The following THSD7A variants were observed in gnomAD, a reference collection of about 807,000 sequenced individuals.
THSD7A encodes the protein thrombospondin type 1 domain containing 7A.
A neutral mutation model predicts 231.3 loss-of-function variants in THSD7A; 96 were observed. The observed-to-expected ratio is 0.41, with a 90% CI of 0.35 to 0.49. THSD7A has a LOEUF of 0.49. Among genes scored for constraint, THSD7A ranks in the 20% least tolerant of loss-of-function variants. The pLI is 0.05. For synonymous variants in THSD7A, 940 were observed against 743.3 expected, an observed-to-expected ratio of 1.26 and a Z score of -4.30; for missense variants, 2,290 against 2,070.2, an observed-to-expected ratio of 1.11 and a Z score of -2.06.
intron 6 of THSD7A, among the ~76,000 whole-genome samples, chr7:11,495,550 T>C (rs1787063237): frequency 6.6e-6 from 1 of 152,086 alleles, no homozygotes; most frequent in Non-Finnish European, 1.5e-5. Context: ...TAACATAAAA[T>C]CAATTTGAAG....
At chr7:11,426,025 ATGTGCACAT>A (rs996241357) in intron 15 of THSD7A, among the ~76,000 whole-genome samples, 7 of 151,712 alleles carry the variant, frequency 4.6e-5, no homozygotes, top group African/African-American at 1.7e-4. Flanking sequence ...AACCTGCACA[ATGTGCACAT>A]GTACCCTAAA....
At chr7:11,721,505 A>G (rs1439415613) in intron 1 of THSD7A, among the ~76,000 whole-genome samples, 3 of 151,586 alleles carry the variant, frequency 2.0e-5, no homozygotes, top group Admixed American at 6.6e-5. Context: ...CATGTTTCCT[A>G]TACAGCCTAC....
At chr7:11,687,296 T>C (rs953564871) in intron 1 of THSD7A, among the ~76,000 whole-genome samples, 4 of 151,938 alleles carry the variant, frequency 2.6e-5, no homozygotes, top group Admixed American at 2.6e-4. Flanking sequence ...AGAAGAAATT[T>C]ATATGTTCAA....
Position 11,406,349 on chromosome 7 carries a change from A to G in THSD7A, c.4188T>C (p.Asp1396=). 6.2e-7 allele frequency: 1 copy of G among 1,613,478 alleles called. No homozygotes were observed. The highest frequency in any genetic ancestry group is 8.5e-7 in the Non-Finnish European group (1 of 1,179,718). Residue 1396 remains aspartate (D), a synonymous_variant, in exon 22 of 28, where the codon GAT becomes GAC. Coordinates refer to ENST00000423059, the MANE Select transcript of THSD7A (RefSeq NM_015204.3). The surrounding 1 kb of genome is among the most constrained non-coding windows in gnomAD (Gnocchi z 4.7). ...EFCADIELII[D]GNKNMVLEES... The stretch of plus-strand genomic sequence containing the variant: ...CCTCCAGAACCATATTTTTATTACC[A>G]TCTATAATGAGTTCAATGTCAGCAC...
rs901872578 is a variant in THSD7A, at chr7:11,693,883, G to A, written c.191-56922C>T. 9.9e-5 allele frequency among the ~76,000 whole-genome samples: 15 copies of A among 151,438 alleles called. No individual in the cohort carries two copies. In the East Asian group the frequency reaches 1.4e-3, roughly 14 times the overall value. ...AATATATGATACTTACAACTAATTA[G>A]GATATCTCTATTTTACTTATTCCAT... On this transcript the variant is annotated intron_variant, in intron 1 of 27. Transcript: ENST00000423059.
chr7:11,696,825 A>T (rs1405281396), intron 1 of THSD7A, among the ~76,000 whole-genome samples: 1 of 151,482 alleles, frequency 6.6e-6, no homozygotes, highest in Non-Finnish European at 1.5e-5. Flanking sequence ...AGCATAAATG[A>T]CTGAATAGAG....
chr7:11,420,840 G>T (rs1583707321), intron 16 of THSD7A, among the ~76,000 whole-genome samples: 2 of 152,194 alleles, frequency 1.3e-5, no homozygotes, highest in East Asian at 3.9e-4. Flanking sequence ...GTGTCATTGT[G>T]TCCTGGATGT....
intron 6 of THSD7A, among the ~76,000 whole-genome samples, chr7:11,516,974 G>A (rs1484180803): frequency 6.6e-6 from 1 of 152,084 alleles, no homozygotes; most frequent in Non-Finnish European, 1.5e-5. Flanking sequence ...GAAAATAATA[G>A]TATTTTTCCT....
intron 2 of THSD7A, among the ~76,000 whole-genome samples, chr7:11,602,052 T>C (rs73290854): frequency 0.018 from 2,723 of 152,316 alleles, 79 homozygotes; most frequent in African/African-American, 0.062. Context: ...TGATATATTG[T>C]GATCAACTGG....
intron 1 of THSD7A, among the ~76,000 whole-genome samples, chr7:11,669,504 G>T (rs1014052525): frequency 1.3e-5 from 2 of 151,956 alleles, no homozygotes; most frequent in South Asian, 2.1e-4. Context: ...AGTGCATAAA[G>T]TGTGAAGAGA....
intron 16 of THSD7A, among the ~76,000 whole-genome samples, chr7:11,418,499 T>C (rs1784035292): frequency 6.6e-6 from 1 of 152,190 alleles, no homozygotes; most frequent in Non-Finnish European, 1.5e-5. Flanking sequence ...GCCAACTTAA[T>C]GGATTTAGGA....
At chr7:11,588,444 T>C (rs566439391) in intron 4 of THSD7A, among the ~76,000 whole-genome samples, 3 of 152,358 alleles carry the variant, frequency 2.0e-5, no homozygotes, top group African/African-American at 7.2e-5. Context: ...TCATGTTACA[T>C]ATTTACATGA....
chr7:11,684,132 C>A (rs868308809), intron 1 of THSD7A, among the ~76,000 whole-genome samples: 1 of 151,832 alleles, frequency 6.6e-6, no homozygotes, highest in South Asian at 2.1e-4. Flanking sequence ...AACAAAAAAA[C>A]TCCATGATAA....
At chr7:11,688,428 G>A (rs1036525193) in intron 1 of THSD7A, among the ~76,000 whole-genome samples, 1 of 151,748 alleles carries the variant, frequency 6.6e-6, no homozygotes, top group African/African-American at 2.4e-5. Context: ...ATCGCTTATA[G>A]CCTAATGGAG....
intron 1 of THSD7A, among the ~76,000 whole-genome samples, chr7:11,799,378 A>T (rs1189517772): frequency 6.6e-6 from 1 of 152,210 alleles, no homozygotes; most frequent in Non-Finnish European, 1.5e-5. Flanking sequence ...ATGACTTAAT[A>T]TGTAAATCAT....
chr7:11,713,637 G>C (rs925769421), intron 1 of THSD7A, among the ~76,000 whole-genome samples: 3 of 151,126 alleles, frequency 2.0e-5, no homozygotes, highest in African/African-American at 7.3e-5. Context: ...CCTAACTTTT[G>C]TTTAGGATTA....
intron 2 of THSD7A, among the ~76,000 whole-genome samples, chr7:11,618,438 A>G (rs1025776033): frequency 6.6e-6 from 1 of 152,174 alleles, no homozygotes; most frequent in Non-Finnish European, 1.5e-5. Context: ...ATATGAATAC[A>G]CCTTATTAAC....
At chr7:11,405,006 G>C (rs1783534921) in intron 22 of THSD7A, among the ~76,000 whole-genome samples, 1 of 152,028 alleles carries the variant, frequency 6.6e-6, no homozygotes, top group South Asian at 2.1e-4. Flanking sequence ...ATATCCATGT[G>C]TGCAAAGATC....
At chr7:11,723,578 AATGTTCAT>A (rs1170451141) in intron 1 of THSD7A, among the ~76,000 whole-genome samples, 12 of 151,910 alleles carry the variant, frequency 7.9e-5, no homozygotes, top group Admixed American at 2.6e-4. Context: ...GCAAATTCAA[AATGTTCAT>A]ATTATGTATT....
Sources: allele counts gnomAD v4.1 joint callset (sites outside exome capture counted in the v4.1 genomes callset), GRCh38; gene constraint gnomAD v4.1.1; non-coding constraint Gnocchi (gnomAD v3.1); transcripts MANE v1.5; gene names NCBI Gene and HGNC (gene_info 2026-07-23, HGNC 2026-07-21).